Variants in ATRNL1 observed in about 807,000 individuals in gnomAD.
ATRNL1 encodes attractin like 1.
Under a neutral mutation model 182.7 loss-of-function variants are expected in ATRNL1, and 95 were observed. The observed-to-expected ratio is 0.52, with a 90% CI of 0.44 to 0.62. The LOEUF (loss-of-function observed/expected upper bound fraction) is 0.62, where lower values mean the gene tolerates loss of function less well. Ranked by LOEUF, ATRNL1 falls within the 20% of genes least tolerant of loss-of-function variation. ATRNL1 has a pLI of 0.00. For missense variants in ATRNL1, 1,471 were observed against 1,679.5 expected, an observed-to-expected ratio of 0.88 and a Z score of 2.17; for synonymous variants, 576 against 568.3, an observed-to-expected ratio of 1.01 and a Z score of -0.19.
intron 26 of ATRNL1, among the ~76,000 whole-genome samples, chr10:115,589,502 G>A (rs1855776494): frequency 6.6e-6 from 1 of 152,028 alleles, no homozygotes; most frequent in Admixed American, 6.5e-5. Context: ...GACAGTAATT[G>A]TATTAGAGTT....
intron 9 of ATRNL1, among the ~76,000 whole-genome samples, chr10:115,236,017 C>T (rs1231232507): frequency 6.6e-6 from 1 of 151,912 alleles, no homozygotes; most frequent in Non-Finnish European, 1.5e-5. Context: ...GTTTTGTAAT[C>T]AATTGCTATT....
intron 26 of ATRNL1, among the ~76,000 whole-genome samples, chr10:115,620,613 A>G (rs1857678956): frequency 6.6e-6 from 1 of 152,212 alleles, no homozygotes; most frequent in African/African-American, 2.4e-5. Flanking sequence ...TTAAAGATTT[A>G]CTCAAAGCAT....
rs540043025 is a variant in ATRNL1 at position 115,151,170 on chromosome 10, C to T, written c.830-8870C>T. Among the ~76,000 whole-genome samples the T allele has an allele frequency of 1.2e-4, 19 of 152,160 alleles. No individual in the cohort carries two copies. The East Asian group carries it at 2.1e-3, about 17-fold the overall frequency. Reference sequence around the variant, plus strand: ...AAGTCTTTGCTATTGTGAATAGTGCCGCAATAAACATACGTGTGCATGTGT... The same window carrying T: ...AAGTCTTTGCTATTGTGAATAGTGCTGCAATAAACATACGTGTGCATGTGT... On this transcript the variant is annotated intron_variant, in intron 5 of 28. Transcript: ENST00000355044.
chr10:115,143,840 C>T (rs563509285), intron 5 of ATRNL1, among the ~76,000 whole-genome samples: 1 of 152,242 alleles, frequency 6.6e-6, no homozygotes, highest in African/African-American at 2.4e-5. Flanking sequence ...CATGAGGACC[C>T]TACCCTGATA....
At chr10:115,447,409 TATA>T (rs1355739063) in intron 21 of ATRNL1, among the ~76,000 whole-genome samples, 1 of 151,812 alleles carries the variant, frequency 6.6e-6, no homozygotes, top group African/African-American at 2.4e-5. Context: ...TTGCAATATA[TATA>T]ATAATCAATA....
At chr10:115,906,101 A>C (rs1176916155) in intron 28 of ATRNL1, among the ~76,000 whole-genome samples, 1 of 152,260 alleles carries the variant, frequency 6.6e-6, no homozygotes, top group Non-Finnish European at 1.5e-5. Context: ...TTCTATGTTA[A>C]TCACTATACC....
At chr10:115,323,016 A>T (rs555262801) in intron 18 of ATRNL1, among the ~76,000 whole-genome samples, 2 of 151,956 alleles carry the variant, frequency 1.3e-5, no homozygotes, top group Non-Finnish European at 2.9e-5. Flanking sequence ...TGTGTAAGTT[A>T]ATATTTTTCA....
intron 28 of ATRNL1, among the ~76,000 whole-genome samples, chr10:115,920,022 C>T (rs1205549200): frequency 2.0e-5 from 3 of 152,122 alleles, no homozygotes; most frequent in African/African-American, 7.2e-5. Context: ...CACTCAATAA[C>T]CCTGTAAATT....
intron 21 of ATRNL1, among the ~76,000 whole-genome samples, chr10:115,438,103 A>G (rs917294262): frequency 6.6e-6 from 1 of 152,044 alleles, no homozygotes; most frequent in African/African-American, 2.4e-5. Flanking sequence ...TGTTTCTCAA[A>G]AAATTCACAT....
At position 115,419,441 on chromosome 10, in the gene ATRNL1, C is replaced by T. The variant is rs74158314; in HGVS notation, c.3270-6809C>T. Among the ~76,000 whole-genome samples the T allele has an allele frequency of 7.2e-3, 1,101 of 152,188 alleles. 14 individuals are homozygous for T. Among genetic ancestry groups the T allele is most frequent in the African/African-American group, 0.025 (1,055 of 41,526 alleles). Reference sequence around the variant, plus strand: ...TCATCCCTTACCTATCAATAACTACCTTGAATGTAAATGGTTGAAATTATT... The same window carrying T: ...TCATCCCTTACCTATCAATAACTACTTTGAATGTAAATGGTTGAAATTATT... On this transcript the variant is annotated intron_variant, in intron 20 of 28. Transcript: ENST00000355044.
At chr10:115,471,187 A>C (rs1202823209) in intron 24 of ATRNL1, among the ~76,000 whole-genome samples, 3 of 150,822 alleles carry the variant, frequency 2.0e-5, no homozygotes, top group Non-Finnish European at 3.0e-5. Flanking sequence ...ATATAAATAT[A>C]TACATATTAT....
intron 17 of ATRNL1, among the ~76,000 whole-genome samples, chr10:115,303,562 CA>C (rs1463070842): frequency 6.6e-6 from 1 of 152,092 alleles, no homozygotes; most frequent in Non-Finnish European, 1.5e-5. Flanking sequence ...TTGATTTGAA[CA>C]AAGCAAAATA....
intron 27 of ATRNL1, among the ~76,000 whole-genome samples, chr10:115,818,161 A>G (rs545253092): frequency 1.3e-5 from 2 of 148,878 alleles, no homozygotes; most frequent in South Asian, 4.2e-4. Flanking sequence ...AGTCCAAGCT[A>G]AAGTCCAGGG....
intron 19 of ATRNL1, among the ~76,000 whole-genome samples, chr10:115,372,088 T>C (rs559422062): frequency 6.6e-6 from 1 of 152,338 alleles, no homozygotes; most frequent in South Asian, 2.1e-4. Flanking sequence ...TCCCCAGCCA[T>C]GTGGAACTGT....
At chr10:115,261,103 AAAAG>A (rs1554908700) in intron 10 of ATRNL1, among the ~76,000 whole-genome samples, 3 of 152,094 alleles carry the variant, frequency 2.0e-5, no homozygotes, top group Admixed American at 1.3e-4. Context: ...ATATAGAGAG[AAAAG>A]AAATAGGACA....
chr10:115,206,957 C>T (rs142505057), intron 8 of ATRNL1, among the ~76,000 whole-genome samples: 1,793 of 152,152 alleles, frequency 0.012, 34 homozygotes, highest in African/African-American at 0.04. Flanking sequence ...TCTGTCCTTA[C>T]GATAGTTTGC....
intron 26 of ATRNL1, among the ~76,000 whole-genome samples, chr10:115,574,211 C>A (rs1337296782): frequency 6.6e-6 from 1 of 150,592 alleles, no homozygotes; most frequent in Non-Finnish European, 1.5e-5. Flanking sequence ...TCTATATATA[C>A]AAATATAACT....
chr10:115,107,615 TC>T (rs542052483), intron 1 of ATRNL1, among the ~76,000 whole-genome samples: 108 of 152,308 alleles, frequency 7.1e-4, no homozygotes, highest in Non-Finnish European at 1.4e-3. Flanking sequence ...GCAGCCCTGC[TC>T]CCATGGCCCT....
intron 24 of ATRNL1, among the ~76,000 whole-genome samples, chr10:115,471,812 A>G (rs529853019): frequency 1.7e-3 from 259 of 150,920 alleles, no homozygotes; most frequent in Non-Finnish European, 3.2e-3. Flanking sequence ...CAGTTTGTTG[A>G]TTGTTTCCTT....
Sources: gnomAD v4.1 joint callset for allele counts (sites outside exome capture counted in the v4.1 genomes callset) on GRCh38, gnomAD v4.1.1 for gene constraint, MANE v1.5 for transcripts, NCBI Gene and HGNC (gene_info 2026-07-23, HGNC 2026-07-21) for gene names.